The following RBM6 variants were observed in gnomAD, a reference collection of about 807,000 sequenced individuals.
RBM6 encodes RNA binding motif protein 6, also known as RNA-binding protein 6.
Under a neutral mutation model 140.4 loss-of-function variants are expected in RBM6, and 23 were observed. The ratio of observed to expected loss-of-function variants is 0.16; its 90% confidence interval spans 0.12 to 0.23. RBM6 has a LOEUF of 0.23. RBM6 is among the 10% of genes least tolerant of loss of function. The probability of loss-of-function intolerance (pLI) is 1.00; values close to 1 mark genes in which losing one functional copy is unlikely to be tolerated. For synonymous variants in RBM6, 439 were observed against 475.6 expected, an observed-to-expected ratio of 0.92 and a Z score of 1.00; for missense variants, 1,139 against 1,386.7, an observed-to-expected ratio of 0.82 and a Z score of 2.84.
chr3:50,043,525 T>C (rs2089045924), intron 6 of RBM6, among the ~76,000 whole-genome samples: 1 of 151,514 alleles, frequency 6.6e-6, no homozygotes, highest in African/African-American at 2.4e-5. Context: ...CTTCTTTTTA[T>C]ATACATATAC....
In RBM6 at chr3:50,075,257, T is replaced by C. The variant is rs1334217316; in HGVS notation, c.3173T>C (p.Val1058Ala). 1 of 1,614,024 alleles carries C rather than the reference T, an allele frequency of 6.2e-7. No homozygotes were observed. The highest frequency in any genetic ancestry group is 8.5e-7 in the Non-Finnish European group (1 of 1,180,034). ...DIDTSSKGGCVQQATGWRKGT... is the reference protein window; with the variant it reads ...DIDTSSKGGCAQQATGWRKGT... ...GACACTAGCAGCAAAGGAGGCTGTG[T>C]CCAACAGGCTACTGGCTGGAGGAAA... Residue 1058 changes from valine (V) to alanine (A), a missense_variant, in exon 20 of 21, where the codon GTC (valine) becomes GCC (alanine). Coordinates refer to ENST00000266022, the MANE Select transcript of RBM6 (RefSeq NM_005777.3).
At position 50,057,751 on chromosome 3, in the gene RBM6, A is replaced by C; in HGVS notation, c.1717A>C (p.Ile573Leu). 1 of 1,613,522 alleles carries C rather than the reference A, an allele frequency of 6.2e-7. No individual in the cohort carries two copies. The highest frequency in any genetic ancestry group is 8.5e-7 in the Non-Finnish European group (1 of 1,179,902). ...REVTEAKQEL[I>L]TYPQPQKTSI... ...AGTGACAGAGGCCAAGCAAGAATTA[A>C]TAACCTACCCTCAGCCTCAGAAAAC... The change falls in exon 9 of 21, where the codon ATA becomes CTA. Residue 573 changes from isoleucine (I) to leucine (L), a missense_variant. Ile to Leu is a conservative substitution (Grantham distance 5, BLOSUM62 2). Coordinates refer to ENST00000266022, the MANE Select transcript of RBM6 (RefSeq NM_005777.3).
At position 50,008,121 on chromosome 3, in the gene RBM6, A is replaced by T. The variant is rs2086671403; in HGVS notation, c.1557+8608A>T. On this transcript the variant is annotated intron_variant, in intron 6 of 20. Coordinates refer to ENST00000266022, the MANE Select transcript of RBM6 (RefSeq NM_005777.3). ...TCAAAGCAAAACACCCTAAGCTCTG[A>T]TAACCAGCCCATTATTTGCCACATC... Among the ~76,000 whole-genome samples the T allele has an allele frequency of 1.3e-5, 2 of 152,180 alleles. 1 individual carries two copies. The highest frequency in any genetic ancestry group is 4.1e-4 in the South Asian group (2 of 4,830).
chr3:50,031,879 G>T (rs1181381582), intron 6 of RBM6, among the ~76,000 whole-genome samples: 1 of 152,060 alleles, frequency 6.6e-6, no homozygotes, highest in Non-Finnish European at 1.5e-5. Context: ...ATGCATGAGG[G>T]GATGGATACT....
chr3:49,992,584 T>C (rs762100716), intron 5 of RBM6, among the ~76,000 whole-genome samples: 1 of 152,234 alleles, frequency 6.6e-6, no homozygotes, highest in Non-Finnish European at 1.5e-5. Context: ...TGGAATAGCA[T>C]AGGCCCAGAG....
intron 17 of RBM6, among the ~76,000 whole-genome samples, chr3:50,066,780 A>G (rs1466921629): frequency 6.6e-6 from 1 of 152,022 alleles, no homozygotes; most frequent in Non-Finnish European, 1.5e-5. Context: ...GTGAGCCGAG[A>G]TCGTGCCACT....
At chr3:49,948,823 C>T (rs1480210681) in intron 1 of RBM6, among the ~76,000 whole-genome samples, 1 of 141,062 alleles carries the variant, frequency 7.1e-6, no homozygotes, top group Non-Finnish European at 1.5e-5. Context: ...TATTTACATA[C>T]CCAATTTTTT....
intron 6 of RBM6, among the ~76,000 whole-genome samples, chr3:50,023,314 T>C (rs2087615289): frequency 1.3e-5 from 2 of 152,122 alleles, no homozygotes; most frequent in African/African-American, 4.8e-5. Flanking sequence ...ACTTCTTATT[T>C]ATTTATTTGA....
rs569224640 is a variant in RBM6, at chr3:49,968,770, CTTTTTTTTTTTTT to C, written c.1323+38_1323+50del. 1,921 of 697,494 alleles carry C rather than the reference CTTTTTTTTTTTTT, an allele frequency of 2.8e-3. 3 individuals carry two copies. The highest frequency in any genetic ancestry group is 4.8e-3 in the East Asian group (66 of 13,804). The allele number at this position is 697,494 out of a possible 1,614,324, so 43.2% of individuals were successfully genotyped here. On this transcript the variant is annotated intron_variant, in intron 3 of 20. Coordinates refer to ENST00000266022, the MANE Select transcript of RBM6 (RefSeq NM_005777.3). ...TCAGGTATGTTGATGGGGTGGATTG[CTTTTTTTTTTTTT>C]TTTTTTTTTTTTTTTGAGACGGAGT... is the stretch of plus-strand genomic sequence containing the variant.
At chr3:50,018,864 C>G (rs1365038013) in intron 6 of RBM6, among the ~76,000 whole-genome samples, 1 of 152,030 alleles carries the variant, frequency 6.6e-6, no homozygotes, top group East Asian at 1.9e-4. Context: ...GTTGGGATTA[C>G]AGGCGTAAGC....
intron 6 of RBM6, among the ~76,000 whole-genome samples, chr3:50,016,767 C>G (rs1258790055): frequency 6.6e-6 from 1 of 151,442 alleles, no homozygotes; most frequent in South Asian, 2.1e-4. Context: ...ACTTCCTGCA[C>G]TCAAGCAGTC....
chr3:49,950,051 T>A (rs953222016), intron 1 of RBM6, among the ~76,000 whole-genome samples: 1 of 152,096 alleles, frequency 6.6e-6, no homozygotes, highest in Non-Finnish European at 1.5e-5. Flanking sequence ...TCGAGATATT[T>A]TGGGGGGCAA....
At chr3:49,943,985 G>A (rs999531470) in intron 1 of RBM6, among the ~76,000 whole-genome samples, 4 of 152,176 alleles carry the variant, frequency 2.6e-5, no homozygotes, top group East Asian at 1.9e-4. Flanking sequence ...GTGGTATCTC[G>A]TTGTGTTTTC....
At chr3:50,035,468 G>A (rs900050860) in intron 6 of RBM6, among the ~76,000 whole-genome samples, 1 of 152,024 alleles carries the variant, frequency 6.6e-6, no homozygotes, top group African/African-American at 2.4e-5. Context: ...GGATCACGAG[G>A]TCAGAAGATC....
chr3:49,980,607 C>G (rs1292390256), intron 5 of RBM6, among the ~76,000 whole-genome samples: 1 of 151,086 alleles, frequency 6.6e-6, no homozygotes, highest in Non-Finnish European at 1.5e-5. Context: ...CTAAAAAATA[C>G]AAAAATTAGC....
rs766830125 is a variant in RBM6, at chr3:49,962,604, A to G, written c.-38A>G. ...CTGCTATAACCAGAATTTGGTAGAA[A>G]AAGGATTTACTTGTTGGGGCCCTCT... On this transcript the variant is annotated 5_prime_UTR_variant, in exon 2 of 21. Coordinates refer to ENST00000266022, the MANE Select transcript of RBM6 (RefSeq NM_005777.3). 6.3e-7 allele frequency: 1 copy of G among 1,577,038 alleles called. No individual in the cohort carries two copies. The highest frequency in any genetic ancestry group is 8.6e-7 in the Non-Finnish European group (1 of 1,164,102).
intron 6 of RBM6, among the ~76,000 whole-genome samples, chr3:50,041,197 C>T (rs17050905): frequency 0.021 from 3,201 of 152,196 alleles, 139 homozygotes; most frequent in African/African-American, 0.074. Flanking sequence ...GTCTTCATGC[C>T]CCTCAACCTT....
chr3:49,956,328 C>CTTT (rs34467093), intron 1 of RBM6, among the ~76,000 whole-genome samples: 242 of 72,034 alleles, frequency 3.4e-3, no homozygotes, highest in East Asian at 4.1e-3. Context: ...CCCTCCCCCG[C>CTTT]TTTTTTTTTT....
chr3:50,065,649 A>G (rs959753953), intron 16 of RBM6: 4 of 456,754 alleles, frequency 8.8e-6, no homozygotes, highest in African/African-American at 2.0e-5. Context: ...AACAATAGTG[A>G]CCATGCATTA....
Sources: gnomAD v4.1 joint callset for allele counts (sites outside exome capture counted in the v4.1 genomes callset) on GRCh38, gnomAD v4.1.1 for gene constraint, MANE v1.5 for transcripts, NCBI Gene and HGNC (gene_info 2026-07-23, HGNC 2026-07-21) for gene names.